The following SCAPER variants were observed in gnomAD, a reference collection of about 807,000 sequenced individuals.
The protein encoded by SCAPER is S phase cyclin A-associated protein in the endoplasmic reticulum.
A neutral mutation model predicts 182.2 loss-of-function variants in SCAPER; 98 were observed. That is an observed-to-expected ratio of 0.54 (90% CI 0.46 to 0.64). SCAPER has a LOEUF of 0.64. SCAPER is among the 30% of genes least tolerant of loss of function. The pLI, the probability that SCAPER is intolerant of heterozygous loss-of-function variation, is 0.00. For synonymous variants in SCAPER, 605 were observed against 564.6 expected (o/e 1.07, Z -1.01); for missense variants, 1,432 against 1,690.0 (o/e 0.85, Z 2.68).
chr15:76,390,867 T>G (rs1341524743), intron 27 of SCAPER, among the ~76,000 whole-genome samples: 1 of 152,198 alleles, frequency 6.6e-6, no homozygotes, highest in East Asian at 1.9e-4. Flanking sequence ...AACTGTCATA[T>G]CAGGTGCTGC....
At position 76,560,563 on chromosome 15, in the gene SCAPER, G is replaced by C. The variant is rs540425493; in HGVS notation, c.2838+13595C>G. 1.4e-4 allele frequency among the ~76,000 whole-genome samples: 21 copies of C among 152,226 alleles called. No homozygotes were observed. The South Asian group carries it at 3.1e-3, about 23-fold the overall frequency. On this transcript the variant is annotated intron_variant, in intron 23 of 31. Coordinates refer to ENST00000563290, the MANE Select transcript of SCAPER (RefSeq NM_020843.4). Reference sequence around the variant, plus strand: ...ACAATAACAAAACAGTAAGTTCTAGGTCCATGCTTTTAACACTGCTCTTAA... The same window carrying C: ...ACAATAACAAAACAGTAAGTTCTAGCTCCATGCTTTTAACACTGCTCTTAA...
chr15:76,802,070 A>C (rs939235980), intron 6 of SCAPER, among the ~76,000 whole-genome samples: 3 of 152,196 alleles, frequency 2.0e-5, no homozygotes, highest in African/African-American at 4.8e-5. Flanking sequence ...CAAGCACAAA[A>C]AAAAAAATTT....
intron 22 of SCAPER, among the ~76,000 whole-genome samples, chr15:76,577,627 A>C (rs762983794): frequency 9.2e-5 from 14 of 152,044 alleles, no homozygotes; most frequent in South Asian, 2.1e-4. Context: ...CTTAAAGGGA[A>C]AGACCCAGTC....
chr15:76,448,794 G>GA (rs1290424705), intron 25 of SCAPER, among the ~76,000 whole-genome samples: 1 of 152,096 alleles, frequency 6.6e-6, no homozygotes, highest in African/African-American at 2.4e-5. Context: ...CATGGTGGTA[G>GA]AAAAAACCGA....
chr15:76,862,319 GA>G (rs2071942832), intron 3 of SCAPER, 96 bp downstream of exon 3: 1 of 680,292 alleles, frequency 1.5e-6, no homozygotes, highest in Admixed American at 2.6e-5. Flanking sequence ...ATCAGCCCTA[GA>G]AGTCTAATTG....
chr15:76,622,069 G>A (rs997160832), intron 21 of SCAPER, among the ~76,000 whole-genome samples: 3 of 152,116 alleles, frequency 2.0e-5, no homozygotes, highest in African/African-American at 7.2e-5. Context: ...TGGAAATAAC[G>A]TGACCAGACT....
chr15:76,613,075 C>T (rs1225444749), intron 22 of SCAPER, among the ~76,000 whole-genome samples: 3 of 152,098 alleles, frequency 2.0e-5, no homozygotes, highest in African/African-American at 4.8e-5. Context: ...AATACAGACA[C>T]ATAGACCAAT....
At position 76,855,333 on chromosome 15, in the gene SCAPER, A is replaced by G. The variant is rs530676181; in HGVS notation, c.195+2476T>C. Among the ~76,000 whole-genome samples, 9 of 152,202 alleles carry G rather than the reference A, an allele frequency of 5.9e-5. No homozygotes were observed. The East Asian group carries it at 1.7e-3, about 29-fold the overall frequency. On this transcript the variant is annotated intron_variant, in intron 4 of 31. Coordinates refer to ENST00000563290, the MANE Select transcript of SCAPER (RefSeq NM_020843.4). ...AAAACTATAAAAATCCTGGAAGACA[A>G]CTGGCAATACCATCCTCGACATAGG...
At chr15:76,847,908 A>T (rs1391269704) in intron 4 of SCAPER, among the ~76,000 whole-genome samples, 2 of 152,194 alleles carry the variant, frequency 1.3e-5, no homozygotes, top group Non-Finnish European at 2.9e-5. Flanking sequence ...GAAACAGAGC[A>T]AGACCCTGCC....
intron 5 of SCAPER, among the ~76,000 whole-genome samples, chr15:76,812,483 GA>G (rs59087455): frequency 0.6 from 61,153 of 101,592 alleles, 17,365 homozygotes; most frequent in Middle Eastern, 0.69. Context: ...GTGAGACTCT[GA>G]AAAAAAAAAA....
Position 76,843,627 on chromosome 15 carries a change from C to T in SCAPER, c.196-1696G>A, listed in dbSNP as rs376906298. On this transcript the variant is annotated intron_variant, in intron 4 of 31. Coordinates refer to ENST00000563290, the MANE Select transcript of SCAPER (RefSeq NM_020843.4). Reference sequence around the variant, plus strand: ...GTGCATAAACTAATGGCAATAATTGCCAACTTTGTGAAGAAAGGTAGAAAA... The same window carrying T: ...GTGCATAAACTAATGGCAATAATTGTCAACTTTGTGAAGAAAGGTAGAAAA... 4.6e-5 allele frequency among the ~76,000 whole-genome samples: 7 copies of T among 152,066 alleles called. No homozygotes were observed. In the East Asian group the frequency reaches 9.7e-4, roughly 21 times the overall value.
intron 22 of SCAPER, among the ~76,000 whole-genome samples, chr15:76,590,565 G>A (rs1276546228): frequency 1.3e-5 from 2 of 152,110 alleles, no homozygotes; most frequent in Non-Finnish European, 2.9e-5. Flanking sequence ...GCAGAAAAAA[G>A]GGAATGCCTA....
chr15:76,391,125 A>G (rs923254660), intron 27 of SCAPER, among the ~76,000 whole-genome samples: 4 of 152,066 alleles, frequency 2.6e-5, no homozygotes, highest in Non-Finnish European at 5.9e-5. Flanking sequence ...ACATTCCAAT[A>G]TATCACTTTC....
At chr15:76,466,885 T>C (rs1256384370) in intron 25 of SCAPER, among the ~76,000 whole-genome samples, 2 of 152,072 alleles carry the variant, frequency 1.3e-5, no homozygotes, top group African/African-American at 4.8e-5. Flanking sequence ...TTTAGCACTG[T>C]GATATGGTTT....
rs186269992 is a variant in SCAPER at position 76,588,416 on chromosome 15, C to G, written c.2712-14132G>C. ...TTGTCTGATATAAGAATAGCTACTC[C>G]TATTCGCTTTTGGTTTCCATTTGCA... On this transcript the variant is annotated intron_variant, in intron 22 of 31. Transcript: ENST00000563290. Among the ~76,000 whole-genome samples, 107 of 152,282 alleles carry G rather than the reference C, an allele frequency of 7.0e-4. 2 individuals carry two copies. Among genetic ancestry groups the G allele is most frequent in the Non-Finnish European group, 2.5e-4 (17 of 68,020 alleles).
chr15:76,728,669 T>C lies in SCAPER; in HGVS notation c.2091A>G (p.Glu697=), dbSNP rs2060733673. The C allele has an allele frequency of 6.2e-7, 1 of 1,613,712 alleles. No homozygotes were observed. The highest frequency in any genetic ancestry group is 8.5e-7 in the Non-Finnish European group (1 of 1,179,714). Residue 697 remains glutamate (E), a synonymous_variant, in exon 17 of 32, where the codon GAA becomes GAG. Coordinates refer to ENST00000563290, the MANE Select transcript of SCAPER (RefSeq NM_020843.4). ...RVEELLMKRK[E]QEARIEQQRQ... ...TCTGTTGTTCAATTCGGGCTTCTTGTTCTTTCCTCTTCATTAACAATTCTT... is the reference window on the plus strand; with the variant it reads ...TCTGTTGTTCAATTCGGGCTTCTTGCTCTTTCCTCTTCATTAACAATTCTT...
intron 23 of SCAPER, among the ~76,000 whole-genome samples, chr15:76,534,069 C>A (rs758278320): frequency 2.0e-5 from 3 of 152,184 alleles, no homozygotes; most frequent in Admixed American, 6.5e-5. Flanking sequence ...TCTTCTCATG[C>A]TGCAATTGGT....
intron 25 of SCAPER, among the ~76,000 whole-genome samples, chr15:76,455,243 A>G (rs2142886476): frequency 6.6e-6 from 1 of 152,308 alleles, no homozygotes; most frequent in South Asian, 2.1e-4. Context: ...ACAAATAAAA[A>G]TTGTATATAC....
intron 24 of SCAPER, among the ~76,000 whole-genome samples, chr15:76,490,955 G>A (rs971360670): frequency 3.9e-5 from 6 of 152,082 alleles, no homozygotes; most frequent in African/African-American, 1.4e-4. Context: ...CATCTGACTT[G>A]GTCTCTGTTA....
Sources: gnomAD v4.1 joint callset for allele counts (sites outside exome capture counted in the v4.1 genomes callset) on GRCh38, gnomAD v4.1.1 for gene constraint, MANE v1.5 for transcripts, NCBI Gene and HGNC (gene_info 2026-07-23, HGNC 2026-07-21) for gene names.